Variants in NMNAT2 observed in about 807,000 individuals in gnomAD.
NMNAT2 encodes the protein nicotinamide nucleotide adenylyltransferase 2, also known as nicotinamide/nicotinic acid mononucleotide adenylyltransferase 2.
Under a neutral mutation model 41.6 loss-of-function variants are expected in NMNAT2, and 11 were observed. The observed-to-expected ratio is 0.26, with a 90% CI of 0.17 to 0.44. The LOEUF (loss-of-function observed/expected upper bound fraction) is 0.44, where lower values mean the gene tolerates loss of function less well. NMNAT2 is among the 20% of genes least tolerant of loss of function. NMNAT2 has a pLI of 1.00. For missense variants in NMNAT2, 288 were observed against 407.7 expected (o/e 0.71, Z 2.53); for synonymous variants, 148 against 151.2 (o/e 0.98, Z 0.16).
chr1:183,386,737 C>A (rs1648258196), intron 1 of NMNAT2, among the ~76,000 whole-genome samples: 1 of 151,920 alleles, frequency 6.6e-6, no homozygotes, highest in Admixed American at 6.6e-5. Context: ...AATTATTTAA[C>A]AATTACAAAA....
intron 1 of NMNAT2, among the ~76,000 whole-genome samples, chr1:183,313,980 G>C (rs1412348416): frequency 6.6e-6 from 1 of 152,152 alleles, no homozygotes; most frequent in Non-Finnish European, 1.5e-5. Context: ...TGAGAACAGG[G>C]TGGCTTTTGC....
intron 1 of NMNAT2, among the ~76,000 whole-genome samples, chr1:183,362,863 C>A (rs1170356098): frequency 6.6e-6 from 1 of 152,122 alleles, no homozygotes; most frequent in African/African-American, 2.4e-5. Flanking sequence ...GGCAGCTGTA[C>A]CATTTTATAT....
At chr1:183,323,066 G>A (rs1424540221) in intron 1 of NMNAT2, among the ~76,000 whole-genome samples, 2 of 152,104 alleles carry the variant, frequency 1.3e-5, no homozygotes, top group African/African-American at 4.8e-5. Flanking sequence ...TGAATAGCTG[G>A]GACTACAGGC....
intron 8 of NMNAT2, among the ~76,000 whole-genome samples, chr1:183,273,934 G>A (rs1406785434): frequency 7.3e-6 from 1 of 136,788 alleles, no homozygotes; most frequent in Non-Finnish European, 1.5e-5. Flanking sequence ...TTGCTTTTTT[G>A]CTTTTTGGAG....
intron 8 of NMNAT2, among the ~76,000 whole-genome samples, chr1:183,272,969 A>C (rs1661023298): frequency 6.6e-6 from 1 of 152,238 alleles, no homozygotes; most frequent in Admixed American, 6.5e-5. Flanking sequence ...TTTAGCCTAA[A>C]GCTGCCTCCC....
chr1:183,310,052 G>A (rs1408923632), intron 1 of NMNAT2, among the ~76,000 whole-genome samples: 1 of 152,160 alleles, frequency 6.6e-6, no homozygotes, highest in Admixed American at 6.5e-5. Context: ...CCATAGCTTT[G>A]TTCTTGGAAT....
intron 1 of NMNAT2, among the ~76,000 whole-genome samples, chr1:183,352,456 G>A (rs1372582640): frequency 1.2e-4 from 18 of 151,336 alleles, no homozygotes; most frequent in Non-Finnish European, 2.1e-4. Context: ...CCAACTACTC[G>A]GGAGGCTTAG....
intron 1 of NMNAT2, among the ~76,000 whole-genome samples, chr1:183,352,592 T>C (rs2102353239): frequency 6.6e-6 from 1 of 151,274 alleles, no homozygotes; most frequent in Admixed American, 6.6e-5. Context: ...AAAAAGAGAT[T>C]TGTGAGTGAG....
chr1:183,400,275 A>T (rs1648772077), intron 1 of NMNAT2, among the ~76,000 whole-genome samples: 1 of 152,176 alleles, frequency 6.6e-6, no homozygotes, highest in African/African-American at 2.4e-5. Context: ...AATAATAGAC[A>T]AACAAAGAGC....
intron 1 of NMNAT2, among the ~76,000 whole-genome samples, chr1:183,409,737 T>C (rs912197623): frequency 1.1e-4 from 16 of 152,274 alleles, no homozygotes; most frequent in African/African-American, 3.9e-4. Flanking sequence ...ATTAAGCCTG[T>C]GGAGAAGAAA....
At position 183,331,772 on chromosome 1, in the gene NMNAT2, T is replaced by C. The variant is rs551253396; in HGVS notation, c.86-37979A>G. Among the ~76,000 whole-genome samples, 34 of 150,346 alleles carry C rather than the reference T, an allele frequency of 2.3e-4. 1 individual carries two copies. Among genetic ancestry groups the C allele is most frequent in the Middle Eastern group, 3.2e-3 (1 of 314 alleles). ...CCATAGCCAGCCGCACGCCCCACGG[T>C]GCATAGTTTTTTATTTTCATTTATT... On this transcript the variant is annotated intron_variant, in intron 1 of 10. Coordinates refer to ENST00000287713, the MANE Select transcript of NMNAT2 (RefSeq NM_015039.4).
intron 1 of NMNAT2, among the ~76,000 whole-genome samples, chr1:183,392,912 C>T (rs1017035401): frequency 8.5e-5 from 13 of 152,294 alleles, no homozygotes; most frequent in African/African-American, 3.1e-4. Context: ...ATTCCTGATA[C>T]TTGTAACCCT....
At chr1:183,265,491 T>C (rs1660790028) in intron 8 of NMNAT2, among the ~76,000 whole-genome samples, 2 of 151,996 alleles carry the variant, frequency 1.3e-5, no homozygotes, top group Admixed American at 1.3e-4. Context: ...GGTCTCAAAC[T>C]CCTGACCTCA....
intron 1 of NMNAT2, among the ~76,000 whole-genome samples, chr1:183,331,347 T>G (rs1489384997): frequency 2.0e-5 from 3 of 152,068 alleles, no homozygotes; most frequent in African/African-American, 7.2e-5. Flanking sequence ...GGAGACTGGC[T>G]GACGGGAGGC....
intron 1 of NMNAT2, among the ~76,000 whole-genome samples, chr1:183,357,776 A>G (rs181611837): frequency 3.4e-4 from 52 of 152,130 alleles, no homozygotes; most frequent in African/African-American, 1.2e-3. Context: ...TTTTTTTCAT[A>G]TGATTGTTGG....
intron 1 of NMNAT2, among the ~76,000 whole-genome samples, chr1:183,407,097 G>A (rs879573817): frequency 1.3e-5 from 2 of 152,172 alleles, no homozygotes; most frequent in African/African-American, 2.4e-5. Flanking sequence ...GATCATAGGC[G>A]TGAGCCACTG....
At chr1:183,347,207 C>T (rs1662949239) in intron 1 of NMNAT2, among the ~76,000 whole-genome samples, 1 of 152,174 alleles carries the variant, frequency 6.6e-6, no homozygotes, top group Admixed American at 6.5e-5. Context: ...GTAATCCCAG[C>T]ATTTTGGAGG....
intron 1 of NMNAT2, among the ~76,000 whole-genome samples, chr1:183,295,026 C>A (rs1425169187): frequency 6.6e-6 from 1 of 152,124 alleles, no homozygotes; most frequent in African/African-American, 2.4e-5. Context: ...TTTTTTGAGA[C>A]AAAGTCTCAC....
intron 1 of NMNAT2, among the ~76,000 whole-genome samples, chr1:183,379,943 T>C (rs1469857452): frequency 1.3e-5 from 2 of 152,246 alleles, no homozygotes; most frequent in Non-Finnish European, 2.9e-5. Flanking sequence ...TGCACTTGAA[T>C]CATCATACTT....
Sources: allele counts gnomAD v4.1 joint callset (sites outside exome capture counted in the v4.1 genomes callset), GRCh38; gene constraint gnomAD v4.1.1; transcripts MANE v1.5; gene names NCBI Gene and HGNC (gene_info 2026-07-23, HGNC 2026-07-21).